The following SEMA4F variants were observed in gnomAD, a reference collection of about 807,000 sequenced individuals.
The protein encoded by SEMA4F is semaphorin-4F.
A neutral mutation model predicts 78.4 loss-of-function variants in SEMA4F; 51 were observed. That is an observed-to-expected ratio of 0.65 (90% CI 0.52 to 0.82). The LOEUF is 0.82. SEMA4F is among the 40% of genes least tolerant of loss of function. The pLI is 0.00. For missense variants in SEMA4F, 938 were observed against 1,014.4 expected (o/e 0.92, Z 1.02); for synonymous variants, 418 against 408.7 (o/e 1.02, Z -0.27).
Position 74,654,494 on chromosome 2 carries a change from G to A in SEMA4F, c.118G>A (p.Val40Met). The A allele has an allele frequency of 6.4e-7, 1 of 1,574,764 alleles. No homozygotes were observed. The highest frequency in any genetic ancestry group is 1.2e-5 in the South Asian group (1 of 86,732). ...GGTATCCGGCCGCGTCCCCCGCTCGGTGCCCAGAACCTCGCTTCCAATCTC... is the reference window on the plus strand; with the variant it reads ...GGTATCCGGCCGCGTCCCCCGCTCGATGCCCAGAACCTCGCTTCCAATCTC... The part of the protein sequence containing the change: ...GPVSGRVPRS[V>M]PRTSLPISEA... The change falls in exon 1 of 14, where the codon GTG becomes ATG. Residue 40 changes from valine to methionine, a missense_variant. By Grantham distance (21) the Val-to-Met change is conservative. Transcript: ENST00000357877.
At position 74,680,075 on chromosome 2, in the gene SEMA4F, C is replaced by T. The variant is rs779257400; in HGVS notation, c.2179C>T (p.Pro727Ser). 39 of 1,614,058 alleles carry T rather than the reference C, an allele frequency of 2.4e-5. 1 individual carries two copies. The South Asian group carries it at 4.2e-4, about 17-fold the overall frequency. Reference sequence around the variant, plus strand: ...CCCCTCTCCTGAAGATGAGCGGTTGCCGCTGGCCCTGGCCAAGAGGGGCAG... The same window carrying T: ...CCCCTCTCCTGAAGATGAGCGGTTGTCGCTGGCCCTGGCCAAGAGGGGCAG... ...PSPSPEDERL[P>S]LALAKRGSGF... The change falls in exon 14 of 14, where the codon CCG becomes TCG. Residue 727 changes from proline to serine, a missense_variant. Pro to Ser is a moderately conservative substitution (Grantham distance 74). Transcript: ENST00000357877.
At chr2:74,685,645 A>C (rs1685807030), downstream of SEMA4F, among the ~76,000 whole-genome samples, 1 of 152,164 alleles carries the variant, frequency 6.6e-6, no homozygotes, top group Admixed American at 6.5e-5. Flanking sequence ...AGTCAAGTCC[A>C]TGCCCAGGGA....
the SEMA4F span, among the ~76,000 whole-genome samples, chr2:74,703,970 G>A: frequency 6.6e-6 from 1 of 152,158 alleles, no homozygotes. Flanking sequence ...TGGTAGCCAG[G>A]TGTAAAGTAG....
the SEMA4F span, among the ~76,000 whole-genome samples, chr2:74,709,090 A>C: frequency 6.6e-6 from 1 of 152,226 alleles, no homozygotes; most frequent in Non-Finnish European, 1.5e-5. Flanking sequence ...GCTTGAGTCC[A>C]GATGGCAGAG....
chr2:74,659,566 A>G (rs961627006), intron 4 of SEMA4F, among the ~76,000 whole-genome samples: 4 of 152,170 alleles, frequency 2.6e-5, no homozygotes, highest in Non-Finnish European at 5.9e-5. Flanking sequence ...TAGCAGGCTT[A>G]TGAAATGAGG....
At position 74,654,335 on chromosome 2, in the gene SEMA4F, G is replaced by T. The variant is rs540120853; in HGVS notation, c.-42G>T. 1.4e-4 allele frequency: 199 copies of T among 1,440,620 alleles called. No homozygotes were observed. The highest frequency in any genetic ancestry group is 1.7e-4 in the Non-Finnish European group (193 of 1,104,584). The allele number at this position is 1,440,620 out of a possible 1,614,324, so 89.2% of individuals were successfully genotyped here. The stretch of plus-strand genomic sequence containing the variant: ...CAGTAGCCCCGGGGCCCTGAGCAGA[G>T]GCCGTAGCTTGCGCCGCACCCGCGG... On this transcript the variant is annotated 5_prime_UTR_variant, in exon 1 of 14. It adds an upstream start codon to the 5' untranslated region. Transcript: ENST00000357877.
At chr2:74,675,502 C>G in intron 10 of SEMA4F, 23 bp from the exon 11 acceptor site, 1 of 1,607,934 alleles carries the variant, frequency 6.2e-7, no homozygotes, top group Non-Finnish European at 8.5e-7. Flanking sequence ...TGTAATTATT[C>G]TTGTTCCTTT....
chr2:74,697,876 C>G, the SEMA4F span, among the ~76,000 whole-genome samples: 1 of 152,150 alleles, frequency 6.6e-6, no homozygotes, highest in African/African-American at 2.4e-5. Context: ...AGTCTTCCCC[C>G]TTCTCTTCCT....
In SEMA4F at chr2:74,656,671, G is replaced by C. The variant is rs770865563; in HGVS notation, c.283G>C (p.Glu95Gln). The change falls in exon 2 of 14, where the codon GAG (glutamate) becomes CAG (glutamine). Residue 95 changes from glutamate to glutamine, a missense_variant. Transcript: ENST00000357877. ...CGCTTTATCCCTGCCCTTCTCAGGG[G>C]AGAGACCCCGCAGGGTGAGAGACAA... ...IFALSLPFSG[E>Q]RPRRIDWMVP... is the part of the protein sequence containing the mutation. 8.7e-6 allele frequency: 14 copies of C among 1,614,054 alleles called. No individual in the cohort carries two copies. The African/African-American group carries it at 1.7e-4, about 20-fold the overall frequency.
intron 5 of SEMA4F, among the ~76,000 whole-genome samples, chr2:74,669,393 G>A (rs1485235157): frequency 6.6e-6 from 1 of 151,990 alleles, no homozygotes; most frequent in Non-Finnish European, 1.5e-5. Context: ...AGACCAGCCT[G>A]GCCTACACAG....
At chr2:74,676,392 A>G (rs1685283463) in intron 12 of SEMA4F, among the ~76,000 whole-genome samples, 1 of 152,252 alleles carries the variant, frequency 6.6e-6, no homozygotes, top group South Asian at 2.1e-4. Context: ...TACTTTCAAT[A>G]CCATCTGAGT....
chr2:74,654,649 G>T, intron 1 of SEMA4F, 128 bp downstream of exon 1: 1 of 762,612 alleles, frequency 1.3e-6, no homozygotes, highest in Non-Finnish European at 1.9e-6. Context: ...CGCCGCCCAC[G>T]CCCCGCCGGG....
downstream of SEMA4F, among the ~76,000 whole-genome samples, chr2:74,686,103 T>C (rs1324429639): frequency 5.3e-5 from 8 of 152,070 alleles, no homozygotes; most frequent in East Asian, 1.5e-3. Context: ...TGCTTTTTTT[T>C]TCTTTTTTTT....
intron 4 of SEMA4F, among the ~76,000 whole-genome samples, chr2:74,660,687 C>T (rs1464050020): frequency 2.0e-5 from 3 of 152,242 alleles, no homozygotes; most frequent in Admixed American, 6.5e-5. Flanking sequence ...ATGCAATAAT[C>T]ATAACCTATC....
chr2:74,705,780 G>A, the SEMA4F span, among the ~76,000 whole-genome samples: 1 of 83,798 alleles, frequency 1.2e-5, no homozygotes, highest in Admixed American at 1.1e-4. Context: ...TGTCCAGGCT[G>A]GTCTTGAACT....
the SEMA4F span, among the ~76,000 whole-genome samples, chr2:74,700,128 A>T: frequency 6.6e-6 from 1 of 151,794 alleles, no homozygotes; most frequent in Admixed American, 6.6e-5. Context: ...GCATGAAAGG[A>T]CAGTGGAGGG....
chr2:74,654,255 C>G lies in SEMA4F; in HGVS notation c.-122C>G. On this transcript the variant is annotated 5_prime_UTR_variant, in exon 1 of 14. Coordinates refer to ENST00000357877, the MANE Select transcript of SEMA4F (RefSeq NM_004263.5). ...GGGCGGAGCCGGGCGGTGTTTCATC[C>G]CTCAGCCTCAGGCTGAGCCGGACCG... is the stretch of plus-strand genomic sequence containing the variant. 1.7e-6 allele frequency: 2 copies of G among 1,160,452 alleles called. No homozygotes were observed. The highest frequency in any genetic ancestry group is 1.1e-6 in the Non-Finnish European group (1 of 887,560). 71.9% of individuals were successfully genotyped at this position (1,160,452 alleles called of 1,614,324 possible). A position where few individuals can be genotyped will look rare whatever the true frequency, so the allele number is the denominator to read the frequency against.
At chr2:74,668,031 C>T (rs1057237192) in intron 5 of SEMA4F, among the ~76,000 whole-genome samples, 2 of 152,272 alleles carry the variant, frequency 1.3e-5, no homozygotes, top group South Asian at 2.1e-4. Context: ...TACTCACCTC[C>T]CCCAAACCTG....
chr2:74,657,798 T>G, intron 3 of SEMA4F, 55 bp from the exon 4 acceptor site: 1 of 1,534,756 alleles, frequency 6.5e-7, no homozygotes, highest in Middle Eastern at 1.7e-4. Flanking sequence ...GACGTTACCT[T>G]ACCCTTCCTC....
Sources: allele counts gnomAD v4.1 joint callset (sites outside exome capture counted in the v4.1 genomes callset), GRCh38; gene constraint gnomAD v4.1.1; transcripts MANE v1.5; gene names NCBI Gene and HGNC (gene_info 2026-07-23, HGNC 2026-07-21).